The following AOPEP variants were observed in gnomAD, a reference collection of about 807,000 sequenced individuals.
AOPEP encodes aminopeptidase O (putative).
Under a neutral mutation model 98.1 loss-of-function variants are expected in AOPEP, and 77 were observed. That is an observed-to-expected ratio of 0.78 (90% CI 0.65 to 0.95). The LOEUF (loss-of-function observed/expected upper bound fraction) is 0.95. Ranked by LOEUF, AOPEP falls within the 40% of genes least tolerant of loss-of-function variation. AOPEP has a pLI of 0.00. For synonymous variants in AOPEP, 346 were observed against 365.3 expected (o/e 0.95, Z 0.60); for missense variants, 1,024 against 1,024.7 (o/e 1.00, Z 0.01).
chr9:95,059,670 G>A (rs762173934), intron 13 of AOPEP, among the ~76,000 whole-genome samples: 12 of 152,256 alleles, frequency 7.9e-5, no homozygotes, highest in Middle Eastern at 3.4e-3. Flanking sequence ...TAAAATCCAG[G>A]TGTTCTTATG....
chr9:95,048,240 C>A (rs2066011009), intron 13 of AOPEP, among the ~76,000 whole-genome samples: 1 of 151,772 alleles, frequency 6.6e-6, no homozygotes, highest in Non-Finnish European at 1.5e-5. Context: ...TTCTTAAATA[C>A]CATATGCAAA....
chr9:95,112,566 G>A, the AOPEP span, among the ~76,000 whole-genome samples: 4 of 152,222 alleles, frequency 2.6e-5, no homozygotes, highest in South Asian at 2.1e-4. Flanking sequence ...TGGAGGCCAC[G>A]TTGGCTGTGG....
At chr9:95,012,657 A>G (rs1421147923) in intron 13 of AOPEP, among the ~76,000 whole-genome samples, 1 of 152,004 alleles carries the variant, frequency 6.6e-6, no homozygotes, top group African/African-American at 2.4e-5. Flanking sequence ...GTATTGGAGG[A>G]GGCTGACAGC....
At chr9:94,891,667 A>G (rs974360776) in intron 5 of AOPEP, among the ~76,000 whole-genome samples, 4 of 152,074 alleles carry the variant, frequency 2.6e-5, no homozygotes, top group African/African-American at 9.7e-5. Context: ...CTTCTGAAAT[A>G]TATTTTGTCT....
At chr9:94,932,864 T>G in intron 7 of AOPEP, 1 of 985,392 alleles carries the variant, frequency 1.0e-6, no homozygotes, top group Non-Finnish European at 1.2e-6. Flanking sequence ...AGTCATTCGT[T>G]AACAGGTTTC....
chr9:94,742,588 C>T (rs10761351), intron 1 of AOPEP, among the ~76,000 whole-genome samples: 63,819 of 151,692 alleles, frequency 0.42, 13,789 homozygotes, highest in East Asian at 0.51. Context: ...GCACGCGCCA[C>T]CACGCCTGGC....
At chr9:94,931,847 T>C in intron 7 of AOPEP, 5 of 1,491,568 alleles carry the variant, frequency 3.4e-6, no homozygotes, top group South Asian at 1.2e-5. Flanking sequence ...CTGTGTGTCT[T>C]ACTCTCCTTG....
intron 5 of AOPEP, among the ~76,000 whole-genome samples, chr9:94,908,624 G>C (rs1400227223): frequency 6.6e-6 from 1 of 152,152 alleles, no homozygotes; most frequent in East Asian, 1.9e-4. Context: ...AGGCTGCTGA[G>C]AGTCTAAAGC....
the AOPEP span, chr9:95,127,358 G>A: frequency 6.6e-6 from 1 of 152,358 alleles, no homozygotes; most frequent in Non-Finnish European, 1.5e-5. Context: ...AGCAGGGTCC[G>A]TAACTTTCTC....
chr9:94,780,423 G>A (rs1268527139), intron 3 of AOPEP, among the ~76,000 whole-genome samples: 2 of 151,788 alleles, frequency 1.3e-5, no homozygotes, highest in Non-Finnish European at 2.9e-5. Flanking sequence ...ATTTACTTAC[G>A]TTCACACCAC....
At chr9:94,867,510 T>G (rs1588621867) in intron 5 of AOPEP, among the ~76,000 whole-genome samples, 1 of 152,364 alleles carries the variant, frequency 6.6e-6, no homozygotes, top group East Asian at 1.9e-4. Flanking sequence ...GAGGCATTCT[T>G]CCTACTTTGC....
the AOPEP span, among the ~76,000 whole-genome samples, chr9:95,141,890 T>C: frequency 6.6e-6 from 1 of 151,512 alleles, no homozygotes; most frequent in Admixed American, 6.6e-5. Context: ...GGGGGAAAAA[T>C]ATGAGTTTGC....
intron 5 of AOPEP, among the ~76,000 whole-genome samples, chr9:94,912,011 A>G (rs939516391): frequency 2.6e-5 from 4 of 152,126 alleles, no homozygotes; most frequent in Non-Finnish European, 5.9e-5. Context: ...TCAACCACAC[A>G]CACAAGGACT....
chr9:95,002,214 T>G (rs559039056), intron 11 of AOPEP, among the ~76,000 whole-genome samples: 2 of 152,194 alleles, frequency 1.3e-5, no homozygotes, highest in African/African-American at 4.8e-5. Flanking sequence ...AGATATTCAT[T>G]TTAAGACTTC....
intron 5 of AOPEP, among the ~76,000 whole-genome samples, chr9:94,918,491 G>A (rs2053138118): frequency 6.6e-6 from 1 of 152,124 alleles, no homozygotes; most frequent in Admixed American, 6.5e-5. Context: ...CAGAGGGACG[G>A]GAGCCCAGAA....
At chr9:95,049,210 T>C (rs1822936910) in intron 13 of AOPEP, among the ~76,000 whole-genome samples, 1 of 152,244 alleles carries the variant, frequency 6.6e-6, no homozygotes, top group Non-Finnish European at 1.5e-5. Context: ...TCACTGGTTT[T>C]TCAAGCTGGT....
chr9:94,855,884 G>A (rs1047731374), intron 5 of AOPEP, among the ~76,000 whole-genome samples: 2 of 152,092 alleles, frequency 1.3e-5, no homozygotes, highest in Non-Finnish European at 2.9e-5. Flanking sequence ...AGATTCTGGG[G>A]TGAGACTGAA....
At chr9:94,806,004 G>T (rs1369346654) in intron 5 of AOPEP, among the ~76,000 whole-genome samples, 1 of 152,090 alleles carries the variant, frequency 6.6e-6, no homozygotes, top group African/African-American at 2.4e-5. Context: ...ATTTTTCTTT[G>T]TTTGTTCTTT....
intron 5 of AOPEP, among the ~76,000 whole-genome samples, chr9:94,853,379 G>GA (rs2043793082): frequency 6.6e-6 from 1 of 152,008 alleles, no homozygotes; most frequent in Admixed American, 6.6e-5. Context: ...AGAATTACTT[G>GA]AACCTGGGAA....
Sources: allele counts gnomAD v4.1 joint callset (sites outside exome capture counted in the v4.1 genomes callset), GRCh38; gene constraint gnomAD v4.1.1; transcripts MANE v1.5; gene names NCBI Gene and HGNC (gene_info 2026-07-23, HGNC 2026-07-21).